BAMBI: variants seen among roughly 807,000 people sequenced by gnomAD.
The protein encoded by BAMBI is BMP and activin membrane bound inhibitor, also known as BMP and activin membrane-bound inhibitor homolog.
Under a neutral mutation model 24.1 loss-of-function variants are expected in BAMBI, and 21 were observed. The observed-to-expected ratio is 0.87, with a 90% CI of 0.62 to 1.26. BAMBI has a LOEUF of 1.26. Among genes scored for constraint, BAMBI ranks in the 50% most tolerant of loss-of-function variants. BAMBI has a pLI of 0.00. For missense variants in BAMBI, 388 were observed against 329.1 expected (o/e 1.18, Z -1.38); for synonymous variants, 156 against 123.1 (o/e 1.27, Z -1.77).
intron 1 of BAMBI, among the ~76,000 whole-genome samples, chr10:28,679,350 A>G (rs896554248): frequency 3.9e-5 from 6 of 152,216 alleles, no homozygotes; most frequent in African/African-American, 1.4e-4. Context: ...TTTTTGTTTA[A>G]TCACTACATA....
chr10:28,682,081 A>T lies in BAMBI; in HGVS notation c.463A>T (p.Ile155Phe), dbSNP rs533518218. The change falls in exon 3 of 3, where the codon ATT (isoleucine) becomes TTT (phenylalanine). Residue 155 changes from isoleucine to phenylalanine, a missense_variant. Ile to Phe is a conservative substitution (Grantham distance 21, BLOSUM62 0). Transcript: ENST00000375533. ...AGAGTTGTGGTTCCGGGCAGCGGTC[A>T]TTGCCGTGCCCATTGCTGGAGGGCT... Reference protein sequence around the residue: ...SKELWFRAAVIAVPIAGGLIL... With the variant: ...SKELWFRAAVFAVPIAGGLIL... The T allele has an allele frequency of 6.2e-7, 1 of 1,614,104 alleles. No homozygotes were observed. The highest frequency in any genetic ancestry group is 2.2e-5 in the East Asian group (1 of 44,866).
chr10:28,682,080 C>T lies in BAMBI; in HGVS notation c.462C>T (p.Val154=). 6.2e-7 allele frequency: 1 copy of T among 1,614,094 alleles called. No individual in the cohort carries two copies. The highest frequency in any genetic ancestry group is 8.5e-7 in the Non-Finnish European group (1 of 1,180,012). Residue 154 remains valine (V), a synonymous_variant, in exon 3 of 3, where the codon GTC becomes GTT. Transcript: ENST00000375533. ...AAGAGTTGTGGTTCCGGGCAGCGGT[C>T]ATTGCCGTGCCCATTGCTGGAGGGC... The part of the protein sequence containing the change: ...SSKELWFRAA[V]IAVPIAGGLI...
chr10:28,678,182 C>A (rs1834457900), intron 1 of BAMBI, among the ~76,000 whole-genome samples: 1 of 152,184 alleles, frequency 6.6e-6, no homozygotes, highest in Non-Finnish European at 1.5e-5. Flanking sequence ...ATCAGAGGGT[C>A]CTCCTGGCTC....
Position 28,681,984 on chromosome 10 carries a change from A to G in BAMBI, c.366A>G (p.Gly122=). ...VLSPPRGEAS[G]QGNRYQHDGS... is the part of the protein sequence containing the mutation. ...ATCATTTTCTTTGTACTCCTTTAGG[A>G]CAAGGAAACAGGTATCAGCATGATG... Residue 122 remains glycine, a splice_region_variant and synonymous_variant, in exon 3 of 3, where the codon GGA becomes GGG. Transcript: ENST00000375533. The G allele has an allele frequency of 6.2e-7, 1 of 1,609,822 alleles. No homozygotes were observed. Among genetic ancestry groups the G allele is most frequent in the Non-Finnish European group, 8.5e-7 (1 of 1,176,644 alleles).
chr10:28,682,520 T>C lies in BAMBI; in HGVS notation c.*119T>C. 2 of 880,646 alleles carry C rather than the reference T, an allele frequency of 2.3e-6. No homozygotes were observed. The highest frequency in any genetic ancestry group is 3.5e-6 in the Non-Finnish European group (2 of 579,512). The allele number at this position is 880,646 out of a possible 1,614,324, so 54.6% of individuals were successfully genotyped here. On this transcript the variant is annotated 3_prime_UTR_variant, in exon 3 of 3. Coordinates refer to ENST00000375533, the MANE Select transcript of BAMBI (RefSeq NM_012342.3). ...ATCATCTTTGAGAGACAAAATGACC[T>C]CTGCAAACAGAATCTTGGATATTTC...
chr10:28,679,403 A>G (rs889999816), intron 1 of BAMBI, among the ~76,000 whole-genome samples: 1 of 152,190 alleles, frequency 6.6e-6, no homozygotes, highest in Non-Finnish European at 1.5e-5. Context: ...ATTGTTCCAC[A>G]GTTTCAAAAT....
rs900772658 is a variant in BAMBI, at chr10:28,677,613, G to A, written c.-285G>A. 1.4e-5 allele frequency: 3 copies of A among 222,076 alleles called. No individual in the cohort carries two copies. Among genetic ancestry groups the A allele is most frequent in the African/African-American group, 6.9e-5 (3 of 43,394 alleles). 13.8% of individuals were successfully genotyped at this position (222,076 alleles called of 1,614,324 possible). A position where few individuals can be genotyped will look rare whatever the true frequency, so the allele number is the denominator to read the frequency against. ...AGAACGGCCGCTAGCGGGGACTGAA[G>A]GCCGGGAGCCCACTCCCGACCCGGG... On this transcript the variant is annotated 5_prime_UTR_variant, in exon 1 of 3. Coordinates refer to ENST00000375533, the MANE Select transcript of BAMBI (RefSeq NM_012342.3).
chr10:28,678,131 C>G (rs915117520), intron 1 of BAMBI, among the ~76,000 whole-genome samples, 158 bp downstream of exon 1: 97 of 152,366 alleles, frequency 6.4e-4, no homozygotes, highest in Non-Finnish European at 1.1e-3. Context: ...CGGCGGTGGC[C>G]TGGCGCGTGG....
Position 28,682,932 on chromosome 10 carries a change from C to G in BAMBI, c.*531C>G, listed in dbSNP as rs1489195730. The G allele has an allele frequency of 2.0e-5, 3 of 150,666 alleles. No individual in the cohort carries two copies. The East Asian group carries it at 5.9e-4, about 30-fold the overall frequency. 9.3% of individuals were successfully genotyped at this position (150,666 alleles called of 1,614,324 possible). A position where few individuals can be genotyped will look rare whatever the true frequency, so the allele number is the denominator to read the frequency against. ...AAACAAGACCAAGATCTTGCTTATT[C>G]TTCCATGTGCCTGTGTAATTTTCTT... is the stretch of plus-strand genomic sequence containing the variant. On this transcript the variant is annotated 3_prime_UTR_variant, in exon 3 of 3. Coordinates refer to ENST00000375533, the MANE Select transcript of BAMBI (RefSeq NM_012342.3).
chr10:28,682,192 TCCCG>T lies in BAMBI; in HGVS notation c.575_578del (p.Ser192PhefsTer19), dbSNP rs771656990. The T allele has an allele frequency of 6.2e-7, 1 of 1,614,170 alleles. No homozygotes were observed. The highest frequency in any genetic ancestry group is 8.5e-7 in the Non-Finnish European group (1 of 1,180,030). On this transcript the variant is annotated frameshift_variant, in exon 3 of 3. Coordinates refer to ENST00000375533, the MANE Select transcript of BAMBI (RefSeq NM_012342.3). LOFTEE classifies it high-confidence loss of function. ...GCAGGATCAGCGGCAACAGATGCTC[TCCCG>T]TTTGCACTACAGCTTTCACGGACAC...
At chr10:28,680,900 AC>A (rs1443497850) in intron 1 of BAMBI, among the ~76,000 whole-genome samples, 1 of 152,226 alleles carries the variant, frequency 6.6e-6, no homozygotes, top group Non-Finnish European at 1.5e-5. Context: ...AAAAAGCCTA[AC>A]ATTTTTATGT....
chr10:28,681,850 T>G, intron 2 of BAMBI, 133 bp from the exon 3 acceptor site: 1 of 981,324 alleles, frequency 1.0e-6, no homozygotes, highest in Non-Finnish European at 1.5e-6. Flanking sequence ...AGTTTTGCAA[T>G]GTTTTCTAAA....
intron 2 of BAMBI, 133 bp from the exon 3 acceptor site, chr10:28,681,850 T>C: frequency 2.0e-6 from 2 of 981,324 alleles, no homozygotes; most frequent in South Asian, 3.4e-5. Context: ...AGTTTTGCAA[T>C]GTTTTCTAAA....
rs74127288 is a variant in BAMBI, at chr10:28,682,698, G to A, written c.*297G>A. 3.9e-3 allele frequency: 1,056 copies of A among 271,086 alleles called. 11 individuals are homozygous for A. The highest frequency in any genetic ancestry group is 0.021 in the African/African-American group (971 of 45,924). 16.8% of individuals were successfully genotyped at this position (271,086 alleles called of 1,614,324 possible). ...ATTGAGTACCTAAATAAACAAAAAT[G>A]TGCCCTATGTAAGCTTCTACATCTT... On this transcript the variant is annotated 3_prime_UTR_variant, in exon 3 of 3. Coordinates refer to ENST00000375533, the MANE Select transcript of BAMBI (RefSeq NM_012342.3).
In BAMBI at chr10:28,681,977, C is replaced by G. The variant is rs191520387; in HGVS notation, c.365-6C>G. 6.3e-4 allele frequency: 1,013 copies of G among 1,608,524 alleles called. 9 individuals carry two copies. In the African/African-American group the frequency reaches 0.012, roughly 19 times the overall value. On this transcript the variant is annotated splice_region_variant and splice_polypyrimidine_tract_variant and intron_variant, in intron 2 of 2. Transcript: ENST00000375533. ...GAGTTTGATCATTTTCTTTGTACTC[C>G]TTTAGGACAAGGAAACAGGTATCAG...
intron 1 of BAMBI, among the ~76,000 whole-genome samples, chr10:28,680,375 T>C (rs1834484188): frequency 6.6e-6 from 1 of 152,220 alleles, no homozygotes; most frequent in South Asian, 2.1e-4. Flanking sequence ...TAAGTTTTTA[T>C]AAAGGAAACT....
chr10:28,682,588 GT>G lies in BAMBI; in HGVS notation c.*189del, dbSNP rs1219436292. 74 of 489,926 alleles carry G rather than the reference GT, an allele frequency of 1.5e-4. No individual in the cohort carries two copies. The highest frequency in any genetic ancestry group is 2.2e-4 in the Non-Finnish European group (69 of 310,328). 30.3% of individuals were successfully genotyped at this position (489,926 alleles called of 1,614,324 possible). A position where few individuals can be genotyped will look rare whatever the true frequency, so the allele number is the denominator to read the frequency against. ...CACAGACTTAAATACAGTTAAATGT[GT>G]TATTTGCTTTTAAAATTATAAAAAG... On this transcript the variant is annotated 3_prime_UTR_variant, in exon 3 of 3. Coordinates refer to ENST00000375533, the MANE Select transcript of BAMBI (RefSeq NM_012342.3).
chr10:28,681,291 G>C lies in BAMBI; in HGVS notation c.110G>C (p.Cys37Ser). Residue 37 changes from cysteine (C) to serine (S), a missense_variant, in exon 2 of 3, where the codon TGT (cysteine) becomes TCT (serine). Cys to Ser is a moderately radical substitution (Grantham distance 112, BLOSUM62 -1). Coordinates refer to ENST00000375533, the MANE Select transcript of BAMBI (RefSeq NM_012342.3). ...CGATGCTACTGTGATGCTGCCCACT[G>C]TGTAGCCACTGGTTATATGTGTAAA... is the stretch of plus-strand genomic sequence containing the variant. ...EIRCYCDAAH[C>S]VATGYMCKSE... is the part of the protein sequence containing the mutation. The C allele has an allele frequency of 1.2e-6, 2 of 1,613,630 alleles. No individual in the cohort carries two copies. Among genetic ancestry groups the C allele is most frequent in the Non-Finnish European group, 1.7e-6 (2 of 1,180,020 alleles).
In BAMBI at chr10:28,681,241, T is replaced by C; in HGVS notation, c.77-17T>C. On this transcript the variant is annotated splice_polypyrimidine_tract_variant and intron_variant, in intron 1 of 2. Transcript: ENST00000375533. ...GTCTCTGGAGCAGAGTTTGAGGTGG[T>C]TTCTCATTGTTTTCAGGTGAAATTC... 1 of 1,604,490 alleles carries C rather than the reference T, an allele frequency of 6.2e-7. No homozygotes were observed. The highest frequency in any genetic ancestry group is 2.2e-5 in the East Asian group (1 of 44,814).
Sources: allele counts gnomAD v4.1 joint callset (sites outside exome capture counted in the v4.1 genomes callset), GRCh38; gene constraint gnomAD v4.1.1; transcripts MANE v1.5; gene names NCBI Gene and HGNC (gene_info 2026-07-23, HGNC 2026-07-21).